The following XPR1 variants were observed in gnomAD, a reference collection of about 807,000 sequenced individuals.
XPR1 encodes the protein solute carrier family 53 member 1.
In XPR1, 28 loss-of-function variants were observed where a neutral mutation model predicts 87.5. The observed-to-expected ratio is 0.32, with a 90% CI of 0.24 to 0.44. The LOEUF is 0.44. Ranked by LOEUF, XPR1 falls within the 20% of genes least tolerant of loss-of-function variation. XPR1 has a pLI of 1.00. For synonymous variants in XPR1, 300 were observed against 306.1 expected (o/e 0.98, Z 0.21); for missense variants, 559 against 862.3 (o/e 0.65, Z 4.41).
chr1:180,858,527 T>C (rs1378171428), intron 11 of XPR1, among the ~76,000 whole-genome samples: 1 of 152,236 alleles, frequency 6.6e-6, no homozygotes, highest in Non-Finnish European at 1.5e-5. Flanking sequence ...GAAGCAATGC[T>C]GTCTAGTACA....
chr1:180,704,245 G>GATATATATATATATATATAT lies in XPR1; in HGVS notation c.121+21847_121+21866dup, dbSNP rs35751561. On this transcript the variant is annotated intron_variant, in intron 2 of 14. Coordinates refer to ENST00000367590, the MANE Select transcript of XPR1 (RefSeq NM_004736.4). The stretch of plus-strand genomic sequence containing the variant: ...TTTCTCAAGAACACTATAGGTGCTG[G>GATATATATATATATATATAT]ATATATATATATATATATATATATA... Among the ~76,000 whole-genome samples the GATATATATATATATATATAT allele has an allele frequency of 6.9e-3, 452 of 65,910 alleles. 17 individuals carry two copies. Among genetic ancestry groups the GATATATATATATATATATAT allele is most frequent in the Admixed American group, 9.3e-3 (52 of 5,618 alleles). 43.2% of individuals were successfully genotyped at this position (65,910 alleles called of 152,430 possible). A position where few individuals can be genotyped will look rare whatever the true frequency, so the allele number is the denominator to read the frequency against.
chr1:180,675,215 A>G (rs147138004), intron 1 of XPR1, among the ~76,000 whole-genome samples: 32 of 152,318 alleles, frequency 2.1e-4, no homozygotes, highest in African/African-American at 7.7e-4. Context: ...CTCCAAAGAT[A>G]ATTCTGAGGG....
At chr1:180,781,861 A>C (rs4652530) in intron 2 of XPR1, among the ~76,000 whole-genome samples, 2 of 151,478 alleles carry the variant, frequency 1.3e-5, no homozygotes, top group Non-Finnish European at 2.9e-5. Context: ...GGTGGCACGA[A>C]CTCGGCTCAC....
chr1:180,643,048 G>A (rs1655006986), intron 1 of XPR1, among the ~76,000 whole-genome samples: 1 of 152,118 alleles, frequency 6.6e-6, no homozygotes, highest in Non-Finnish European at 1.5e-5. Flanking sequence ...AGCTGGGAGG[G>A]ATGAAAGACT....
chr1:180,770,910 T>C (rs778931451), intron 2 of XPR1, among the ~76,000 whole-genome samples: 3 of 152,204 alleles, frequency 2.0e-5, no homozygotes, highest in Non-Finnish European at 4.4e-5. Context: ...CTCACATCCC[T>C]CAGCTCCTTC....
At chr1:180,710,467 C>T (rs192291931) in intron 2 of XPR1, among the ~76,000 whole-genome samples, 150 of 152,162 alleles carry the variant, frequency 9.9e-4, no homozygotes, top group African/African-American at 3.3e-3. Flanking sequence ...CCCTTAATCC[C>T]TTTAACCCTG....
intron 3 of XPR1, among the ~76,000 whole-genome samples, chr1:180,798,739 G>C (rs1323033402): frequency 6.6e-6 from 1 of 152,048 alleles, no homozygotes; most frequent in African/African-American, 2.4e-5. Flanking sequence ...TCAGCCTTCT[G>C]AGCACCTGGA....
At chr1:180,837,025 C>T (rs1651317444) in intron 11 of XPR1, among the ~76,000 whole-genome samples, 1 of 152,002 alleles carries the variant, frequency 6.6e-6, no homozygotes, top group South Asian at 2.1e-4. Context: ...TTTAGACTTC[C>T]TTGTTCATTA....
chr1:180,687,484 A>G (rs555502444), intron 2 of XPR1, among the ~76,000 whole-genome samples: 18 of 152,318 alleles, frequency 1.2e-4, no homozygotes, highest in African/African-American at 3.4e-4. Flanking sequence ...TCATGTAAAC[A>G]TACTATAAAA....
chr1:180,840,936 G>A (rs756051095), intron 11 of XPR1, among the ~76,000 whole-genome samples: 5 of 151,904 alleles, frequency 3.3e-5, no homozygotes, highest in South Asian at 2.1e-4. Flanking sequence ...GTAACATGCC[G>A]TGCTAAGCAC....
At chr1:180,758,515 C>T (rs1647852702) in intron 2 of XPR1, among the ~76,000 whole-genome samples, 1 of 152,204 alleles carries the variant, frequency 6.6e-6, no homozygotes. Flanking sequence ...CAAGACCAAC[C>T]TGGTCAACAT....
intron 1 of XPR1, among the ~76,000 whole-genome samples, chr1:180,672,743 T>G (rs1656224676): frequency 6.6e-6 from 1 of 152,114 alleles, no homozygotes; most frequent in African/African-American, 2.4e-5. Context: ...TTGGAGAATA[T>G]TTCTGGGGTA....
chr1:180,727,948 C>G (rs960828801), intron 2 of XPR1, among the ~76,000 whole-genome samples: 1 of 152,130 alleles, frequency 6.6e-6, no homozygotes, highest in African/African-American at 2.4e-5. Flanking sequence ...TTACTGCAAC[C>G]TGTTTTATCA....
intron 2 of XPR1, among the ~76,000 whole-genome samples, chr1:180,733,345 AT>A (rs1217270187): frequency 5.9e-5 from 9 of 152,040 alleles, no homozygotes; most frequent in Non-Finnish European, 1.2e-4. Context: ...TAAAAGGGCC[AT>A]GCTCTTCCCT....
chr1:180,841,210 G>A (rs1651504015), intron 11 of XPR1, among the ~76,000 whole-genome samples: 1 of 152,118 alleles, frequency 6.6e-6, no homozygotes, highest in Non-Finnish European at 1.5e-5. Context: ...CTAGGCCTCA[G>A]AATGGGAGGA....
chr1:180,784,864 A>G (rs1649075442), intron 2 of XPR1, among the ~76,000 whole-genome samples: 2 of 151,940 alleles, frequency 1.3e-5, no homozygotes, highest in South Asian at 4.2e-4. Context: ...TATTTACTAA[A>G]AGTATACTTT....
At chr1:180,781,169 T>G (rs1480257693) in intron 2 of XPR1, among the ~76,000 whole-genome samples, 2 of 151,968 alleles carry the variant, frequency 1.3e-5, no homozygotes, top group African/African-American at 4.8e-5. Flanking sequence ...GAGTGTTGTT[T>G]TTTTTTTACT....
chr1:180,878,693 G>A (rs375066328), intron 13 of XPR1, among the ~76,000 whole-genome samples: 1 of 152,122 alleles, frequency 6.6e-6, no homozygotes, highest in Non-Finnish European at 1.5e-5. Flanking sequence ...CTTTTAGATC[G>A]TACTGCCCAT....
chr1:180,672,491 A>G (rs1242913284), intron 1 of XPR1, among the ~76,000 whole-genome samples: 1 of 152,174 alleles, frequency 6.6e-6, no homozygotes, highest in African/African-American at 2.4e-5. Flanking sequence ...AATGAAGATT[A>G]TTTAGTATGT....
Sources: allele counts gnomAD v4.1 joint callset (sites outside exome capture counted in the v4.1 genomes callset), GRCh38; gene constraint gnomAD v4.1.1; transcripts MANE v1.5; gene names NCBI Gene and HGNC (gene_info 2026-07-23, HGNC 2026-07-21).